PHF19: variants seen among roughly 807,000 people sequenced by gnomAD.
PHF19 encodes PHD finger protein 19, also known as polycomb like 3.
Under a neutral mutation model 79.8 loss-of-function variants are expected in PHF19, and 21 were observed. That is an observed-to-expected ratio of 0.26 (90% CI 0.19 to 0.38). PHF19 has a LOEUF of 0.38. PHF19 is among the 10% of genes least tolerant of loss of function. The pLI is 1.00. For missense variants in PHF19, 445 were observed against 744.2 expected, an observed-to-expected ratio of 0.60 and a Z score of 4.68; for synonymous variants, 273 against 296.3, an observed-to-expected ratio of 0.92 and a Z score of 0.81.
rs1163089334 is a variant in PHF19, at chr9:120,864,045, G to A, written c.968+4C>T. 7 of 1,612,362 alleles carry A rather than the reference G, an allele frequency of 4.3e-6. No individual in the cohort carries two copies. Among genetic ancestry groups the A allele is most frequent in the Non-Finnish European group, 5.1e-6 (6 of 1,178,890 alleles). On this transcript the variant is annotated splice_donor_region_variant and intron_variant, in intron 10 of 14. Coordinates refer to ENST00000373896, the MANE Select transcript of PHF19 (RefSeq NM_015651.3). Reference sequence around the variant, plus strand: ...ACCACACTCCCTCCCCTCCCTGCACGCACCGGCTTTTATAACTGTTCAGAG... The same window carrying A: ...ACCACACTCCCTCCCCTCCCTGCACACACCGGCTTTTATAACTGTTCAGAG...
At chr9:120,873,922 CAGAGG>C in intron 3 of PHF19, 52 bp downstream of exon 3, 1 of 845,432 alleles carries the variant, frequency 1.2e-6, no homozygotes, top group Non-Finnish European at 2.0e-6. Flanking sequence ...ATGAAGGCAG[CAGAGG>C]AGAGAAGACC....
chr9:120,859,484 G>A (rs2045454152), intron 14 of PHF19, among the ~76,000 whole-genome samples: 1 of 152,152 alleles, frequency 6.6e-6, no homozygotes, highest in Non-Finnish European at 1.5e-5. Flanking sequence ...AGTGCAGCTT[G>A]AGTGCAGAGG....
At chr9:120,865,086 T>C (rs2045659818) in intron 9 of PHF19, among the ~76,000 whole-genome samples, 1 of 152,348 alleles carries the variant, frequency 6.6e-6, no homozygotes, top group East Asian at 1.9e-4. Flanking sequence ...TTGCAAAGCA[T>C]AAAGGTTATT....
chr9:120,886,094 T>A (rs1313829291), intron 1 of PHF19, among the ~76,000 whole-genome samples: 1 of 152,208 alleles, frequency 6.6e-6, no homozygotes, highest in Non-Finnish European at 1.5e-5. Context: ...AGCTGCTTCT[T>A]CCAAGATTAC....
At chr9:120,886,532 C>T (rs1040165048) in intron 1 of PHF19, among the ~76,000 whole-genome samples, 1 of 152,222 alleles carries the variant, frequency 6.6e-6, no homozygotes, top group African/African-American at 2.4e-5. Flanking sequence ...GCTCAAACCA[C>T]GAGTCATTTA....
chr9:120,887,290 AC>A (rs1458865699), intron 1 of PHF19, among the ~76,000 whole-genome samples: 11 of 152,136 alleles, frequency 7.2e-5, no homozygotes, highest in Non-Finnish European at 1.6e-4. Flanking sequence ...TCCTGTCTCT[AC>A]TAAAAATGCA....
chr9:120,878,737 A>T (rs2131578786), upstream of PHF19, among the ~76,000 whole-genome samples: 1 of 152,232 alleles, frequency 6.6e-6, no homozygotes, highest in Admixed American at 6.5e-5. Context: ...AGAACCTAGC[A>T]CTGCTGAGTA....
intron 9 of PHF19, among the ~76,000 whole-genome samples, chr9:120,864,629 G>A (rs1438935092): frequency 3.9e-5 from 6 of 152,208 alleles, no homozygotes; most frequent in African/African-American, 1.4e-4. Flanking sequence ...GTTGCAGTGA[G>A]CTGAGACCGC....
At chr9:120,877,405 G>C (rs1349828161), upstream of PHF19, 6 of 969,588 alleles carry the variant, frequency 6.2e-6, no homozygotes, top group African/African-American at 1.8e-5. Context: ...TGGAGCCCGC[G>C]GCCGCCGGGC....
chr9:120,872,165 G>A (rs553278496), intron 3 of PHF19, among the ~76,000 whole-genome samples: 29 of 151,982 alleles, frequency 1.9e-4, no homozygotes, highest in African/African-American at 6.3e-4. Context: ...GGCCAGGCAG[G>A]AACGTTGCCT....
chr9:120,871,992 C>T (rs1344394961), intron 3 of PHF19, among the ~76,000 whole-genome samples: 2 of 115,058 alleles, frequency 1.7e-5, no homozygotes, highest in African/African-American at 6.6e-5. Context: ...GAGCCGAGAT[C>T]AAGCCACTGC....
chr9:120,900,201 G>T, the PHF19 span, among the ~76,000 whole-genome samples: 1 of 152,066 alleles, frequency 6.6e-6, no homozygotes, highest in Non-Finnish European at 1.5e-5. Flanking sequence ...TGGCCAGGCT[G>T]GTCTTGAACT....
upstream of PHF19, among the ~76,000 whole-genome samples, chr9:120,899,248 C>T (rs1356472785): frequency 6.6e-6 from 1 of 150,478 alleles, no homozygotes; most frequent in Non-Finnish European, 1.5e-5. Flanking sequence ...CCTGTAATCC[C>T]AGCACTTTGG....
intron 3 of PHF19, among the ~76,000 whole-genome samples, chr9:120,873,553 T>C (rs2045963216): frequency 6.6e-6 from 1 of 152,240 alleles, no homozygotes; most frequent in Admixed American, 6.5e-5. Context: ...TTAGTTTTAT[T>C]CATATGTTAA....
intron 14 of PHF19, among the ~76,000 whole-genome samples, chr9:120,859,598 T>A (rs2045458325): frequency 6.6e-6 from 1 of 152,160 alleles, no homozygotes; most frequent in Non-Finnish European, 1.5e-5. Context: ...CACTCCTAAA[T>A]CTTCCACCCT....
At chr9:120,867,861 T>C (rs1011934708) in intron 6 of PHF19, among the ~76,000 whole-genome samples, 2 of 152,132 alleles carry the variant, frequency 1.3e-5, no homozygotes, top group South Asian at 4.1e-4. Flanking sequence ...CCCTCTTACA[T>C]CTGTGGTTCC....
upstream of PHF19, chr9:120,877,435 C>G (rs1270705675): frequency 2.7e-6 from 2 of 738,498 alleles, no homozygotes; most frequent in Non-Finnish European, 1.6e-6. Flanking sequence ...CCGCCAGCCC[C>G]CGCCCGCCCC....
upstream of PHF19, among the ~76,000 whole-genome samples, chr9:120,898,959 G>T (rs1157763744): frequency 6.6e-6 from 1 of 152,186 alleles, no homozygotes; most frequent in East Asian, 1.9e-4. Flanking sequence ...AGCACTTTGG[G>T]AGGCCAAGGC....
rs1298524928 is a variant in PHF19, at chr9:120,862,155, G to A, written c.1131-150C>T. The A allele has an allele frequency of 2.9e-6, 2 of 700,344 alleles. 1 individual carries two copies. Among genetic ancestry groups the A allele is most frequent in the South Asian group, 3.0e-5 (2 of 66,698 alleles). 43.4% of individuals were successfully genotyped at this position (700,344 alleles called of 1,614,324 possible). On this transcript the variant is annotated intron_variant, in intron 11 of 14. Transcript: ENST00000373896. The surrounding 1 kb of genome is among the most constrained non-coding windows in gnomAD (Gnocchi z 4.6). ...CACCTTCACAGGGAGGCCTGGGGAG[G>A]AGGGAGAGTCCTCAGGAGCAGTAGG...
Sources: gnomAD v4.1 joint callset for allele counts (sites outside exome capture counted in the v4.1 genomes callset) on GRCh38, gnomAD v4.1.1 for gene constraint, Gnocchi (gnomAD v3.1) non-coding constraint, MANE v1.5 for transcripts, NCBI Gene and HGNC (gene_info 2026-07-23, HGNC 2026-07-21) for gene names.